The following SRFBP1 variants were observed in gnomAD, a reference collection of about 807,000 sequenced individuals.
SRFBP1 encodes serum response factor-binding protein 1.
A neutral mutation model predicts 45.5 loss-of-function variants in SRFBP1; 47 were observed. The ratio of observed to expected loss-of-function variants is 1.03; its 90% CI spans 0.82 to 1.32. The LOEUF is 1.32. SRFBP1 is among the 40% of genes most tolerant of loss of function. The pLI is 0.00. For missense variants in SRFBP1, 621 were observed against 484.6 expected (o/e 1.28, Z -2.64); for synonymous variants, 203 against 166.3 (o/e 1.22, Z -1.70).
At chr5:122,061,218 TCAAA>T (rs1428512844) in intron 2 of SRFBP1, among the ~76,000 whole-genome samples, 4 of 151,818 alleles carry the variant, frequency 2.6e-5, no homozygotes, top group African/African-American at 9.7e-5. Flanking sequence ...TTCATTTTTT[TCAAA>T]CAAACGATCT....
At chr5:122,009,866 C>T (rs369935277) in intron 4 of SRFBP1, among the ~76,000 whole-genome samples, 83 of 152,204 alleles carry the variant, frequency 5.5e-4, no homozygotes, top group Non-Finnish European at 1.1e-3. Context: ...TTCTATATGT[C>T]GTCAATCTTT....
rs539988545 is a variant in SRFBP1, at chr5:121,975,333, G to A, written c.144G>A (p.Leu48=). 13 of 1,613,188 alleles carry A rather than the reference G, an allele frequency of 8.1e-6. No individual in the cohort carries two copies. Among genetic ancestry groups the A allele is most frequent in the Middle Eastern group, 1.6e-4 (1 of 6,062 alleles). Residue 48 remains leucine (L), a synonymous_variant, in exon 3 of 8, where the codon CTG becomes CTA. Coordinates refer to ENST00000339397, the MANE Select transcript of SRFBP1 (RefSeq NM_152546.3). ...LKSKKGTEDA[L]LKNQRRAQRL... is the part of the protein sequence containing the mutation. ...TTTGCAGGGGTACTGAAGATGCACT[G>A]TTAAAAAACCAAAGACGGGCGCAAA...
chr5:122,020,537 AG>A lies in SRFBP1; in HGVS notation c.804del (p.Arg268SerfsTer43). The A allele has an allele frequency of 6.2e-7, 1 of 1,614,156 alleles. No individual in the cohort carries two copies. Among genetic ancestry groups the A allele is most frequent in the Non-Finnish European group, 8.5e-7 (1 of 1,180,000 alleles). On this transcript the variant is annotated frameshift_variant, in exon 6 of 8. Transcript: ENST00000339397. LOFTEE classifies it high-confidence loss of function. ...ATATTTTGATGATAGCACAGAAGAAAGGTTTTACAAGCAGTCTTCCATGTCT... is the reference window on the plus strand; with the variant it reads ...ATATTTTGATGATAGCACAGAAGAAAGTTTTACAAGCAGTCTTCCATGTCT... ...KEYFDDSTEE[R>X]FYKQSSMSED...
intron 4 of SRFBP1, among the ~76,000 whole-genome samples, chr5:121,995,548 G>C (rs572004404): frequency 2.6e-5 from 4 of 151,936 alleles, no homozygotes; most frequent in South Asian, 2.1e-4. Flanking sequence ...ACTAAATGCT[G>C]ACAAGAGAAA....
intron 4 of SRFBP1, among the ~76,000 whole-genome samples, chr5:121,997,369 T>C (rs1389724551): frequency 0.051 from 7,274 of 143,714 alleles, 503 homozygotes; most frequent in African/African-American, 0.14. Flanking sequence ...CGCATACCTA[T>C]AACTGTCTGA....
chr5:122,059,211 A>C (rs1225726313), intron 2 of SRFBP1, among the ~76,000 whole-genome samples: 1 of 152,150 alleles, frequency 6.6e-6, no homozygotes, highest in Admixed American at 6.6e-5. Flanking sequence ...AGCCTTCTCA[A>C]ACTCTGAAAG....
In SRFBP1 at chr5:122,020,705, G is replaced by T. The variant is rs765216246; in HGVS notation, c.970G>T (p.Gly324Trp). 6.2e-7 allele frequency: 1 copy of T among 1,612,548 alleles called. No homozygotes were observed. The highest frequency in any genetic ancestry group is 8.5e-7 in the Non-Finnish European group (1 of 1,179,646). ...TAAAGAAGATACAGGTGAAACTCAT[G>T]GGGATACAAGAAATGACAAAATCAA... ...FLKEDTGETH[G>W]DTRNDKIKPS... Residue 324 changes from glycine (G) to tryptophan (W), a missense_variant, in exon 6 of 8, where the codon GGG becomes TGG. Physicochemically the swap from Gly to Trp is radical, Grantham distance 184. Coordinates refer to ENST00000339397, the MANE Select transcript of SRFBP1 (RefSeq NM_152546.3).
At chr5:121,999,167 A>T (rs1159697362) in intron 4 of SRFBP1, among the ~76,000 whole-genome samples, 2 of 152,176 alleles carry the variant, frequency 1.3e-5, no homozygotes, top group Admixed American at 1.3e-4. Context: ...AAATTTTGTT[A>T]TGCTGTATTT....
chr5:121,966,936 C>T (rs912572527), intron 1 of SRFBP1, among the ~76,000 whole-genome samples: 21 of 145,510 alleles, frequency 1.4e-4, no homozygotes, highest in Admixed American at 4.2e-4. Context: ...TCCACCATCA[C>T]GCCCAGCTAA....
At chr5:122,013,752 T>A (rs1316602853) in intron 4 of SRFBP1, among the ~76,000 whole-genome samples, 2 of 152,146 alleles carry the variant, frequency 1.3e-5, no homozygotes, top group African/African-American at 2.4e-5. Flanking sequence ...ACATTCTGCA[T>A]GGGAAAACTG....
At chr5:121,989,934 T>C (rs905608713) in intron 3 of SRFBP1, among the ~76,000 whole-genome samples, 3 of 152,194 alleles carry the variant, frequency 2.0e-5, no homozygotes, top group Admixed American at 6.5e-5. Context: ...AAAGCCTAGA[T>C]TGGCAACTGA....
chr5:122,033,533 T>C (rs1753625248), downstream of SRFBP1, among the ~76,000 whole-genome samples: 1 of 152,056 alleles, frequency 6.6e-6, no homozygotes, highest in Non-Finnish European at 1.5e-5. Context: ...CCATCTTGAC[T>C]CACTGCAACC....
intron 2 of SRFBP1, among the ~76,000 whole-genome samples, chr5:122,059,419 A>G (rs1324344590): frequency 6.6e-6 from 1 of 152,110 alleles, no homozygotes; most frequent in Non-Finnish European, 1.5e-5. Flanking sequence ...TCTGCAATGC[A>G]AATTTAATGT....
At chr5:122,076,856 G>A (rs990545050), downstream of SRFBP1, 4 of 1,585,330 alleles carry the variant, frequency 2.5e-6, no homozygotes, top group Non-Finnish European at 3.5e-6. Flanking sequence ...CCTGAAGGTA[G>A]ACCGGGGAGC....
At chr5:122,065,632 A>T (rs892370866) in intron 2 of SRFBP1, 9 of 152,210 alleles carry the variant, frequency 5.9e-5, no homozygotes, top group Middle Eastern at 6.8e-3. Context: ...TGTGTGACTG[A>T]TTCCTGAATA....
chr5:122,078,190 C>T, downstream of SRFBP1: 2 of 457,084 alleles, frequency 4.4e-6, no homozygotes, highest in Non-Finnish European at 7.4e-6. Flanking sequence ...GGCACCCTTC[C>T]CTTTCCCCTT....
chr5:122,077,590 A>G, downstream of SRFBP1: 2 of 1,612,612 alleles, frequency 1.2e-6, no homozygotes, highest in Non-Finnish European at 1.7e-6. This position sits in a 1 kb window ranked among gnomAD's most constrained non-coding sequence, Gnocchi z 4.9. Context: ...CGCGGGCTCT[A>G]GATGTCGAGT....
intron 2 of SRFBP1, among the ~76,000 whole-genome samples, chr5:122,051,534 T>A (rs1580545717): frequency 6.6e-6 from 1 of 151,794 alleles, no homozygotes; most frequent in East Asian, 1.9e-4. Flanking sequence ...TTTTTTTTAA[T>A]CATTGTTGGT....
At position 121,963,529 on chromosome 5, in the gene SRFBP1, C is replaced by T. The variant is rs111603922; in HGVS notation, c.36+1461C>T. Among the ~76,000 whole-genome samples, 320 of 152,210 alleles carry T rather than the reference C, an allele frequency of 2.1e-3. 1 individual carries two copies. The highest frequency in any genetic ancestry group is 7.4e-3 in the African/African-American group (309 of 41,538). Reference sequence around the variant, plus strand: ...GATGAGTCATTAAAGACTCTTTTCACACTTAGCTAACTTTTGTTCTTCTTC... The same window carrying T: ...GATGAGTCATTAAAGACTCTTTTCATACTTAGCTAACTTTTGTTCTTCTTC... On this transcript the variant is annotated intron_variant, in intron 1 of 7. Transcript: ENST00000339397.
Sources: allele counts gnomAD v4.1 joint callset (sites outside exome capture counted in the v4.1 genomes callset), GRCh38; gene constraint gnomAD v4.1.1; non-coding constraint Gnocchi (gnomAD v3.1); transcripts MANE v1.5; gene names NCBI Gene and HGNC (gene_info 2026-07-23, HGNC 2026-07-21).